Variants in PASD1 observed in about 807,000 individuals in gnomAD.
PASD1 encodes the protein circadian clock protein PASD1.
Under a neutral mutation model 58.8 loss-of-function variants are expected in PASD1, and 13 were observed. The observed-to-expected ratio is 0.22, with a 90% CI of 0.14 to 0.35. The LOEUF is 0.35. PASD1 is among the 10% of genes least tolerant of loss of function. PASD1 has a pLI of 1.00. For missense variants in PASD1, 734 were observed against 568.3 expected (o/e 1.29, Z -2.96); for synonymous variants, 236 against 216.7 (o/e 1.09, Z -0.78).
intron 9 of PASD1, among the ~76,000 whole-genome samples, chrX:151,655,414 T>C (rs372819796): frequency 1.8e-5 from 2 of 111,787 alleles, no homozygotes; most frequent in Non-Finnish European, 3.8e-5. Flanking sequence ...TTCTAGATCC[T>C]TGAGGAATTG....
At chrX:151,613,160 C>G (rs2124263409) in intron 4 of PASD1, among the ~76,000 whole-genome samples, 1 of 111,233 alleles carries the variant, frequency 9.0e-6, no homozygotes, top group East Asian at 2.8e-4. Flanking sequence ...GGGCTCTGTT[C>G]TGTTCCATTG....
At position 151,622,998 on chromosome X, in the gene PASD1, T is replaced by G. The variant is rs2013736480; in HGVS notation, c.480T>G (p.Cys160Trp). ...SSHLCADFAA[C>W]VPQEDRLYLV... ...ACCTCTGTGCTGACTTTGCTGCATG[T>G]GTTCCTCAGGAGGATCGGCTTTATC... Residue 160 changes from cysteine (C) to tryptophan (W), a missense_variant, in exon 7 of 16, where the codon TGT becomes TGG. Physicochemically the swap from Cys to Trp is radical, Grantham distance 215. Transcript: ENST00000370357. 8.3e-7 allele frequency: 1 copy of G among 1,207,593 alleles called. No individual in the cohort carries two copies. The highest frequency in any genetic ancestry group is 2.2e-5 in the Admixed American group (1 of 45,701).
Position 151,672,474 on chromosome X carries a change from A to G in PASD1, c.1729A>G (p.Ile577Val). ...LQEQPLKHNV[I>V]VGNERVQICL... ...AGAGCAGCCACTGAAGCATAATGTC[A>G]TCGTGGGGAATGAGAGGGTGCAGAT... Residue 577 changes from isoleucine (I) to valine (V), a missense_variant, in exon 14 of 16, where the codon ATC becomes GTC. Coordinates refer to ENST00000370357, the MANE Select transcript of PASD1 (RefSeq NM_173493.3). 3 of 1,211,777 alleles carry G rather than the reference A, an allele frequency of 2.5e-6. No individual in the cohort carries two copies. Among genetic ancestry groups the G allele is most frequent in the Non-Finnish European group, 3.4e-6 (3 of 895,523 alleles).
At chrX:151,580,475 C>T (rs1010382312) in intron 1 of PASD1, among the ~76,000 whole-genome samples, 19 of 105,208 alleles carry the variant, frequency 1.8e-4, no homozygotes, top group Non-Finnish European at 3.7e-4. Context: ...CCTTTTCCTT[C>T]GAACATGCTC....
At chrX:151,622,572 CTGTG>C (rs1418955316) in intron 6 of PASD1, among the ~76,000 whole-genome samples, 5 of 88,973 alleles carry the variant, frequency 5.6e-5, no homozygotes, top group Non-Finnish European at 1.1e-4. Context: ...TTACTTGACT[CTGTG>C]TGCACAGATT....
chrX:151,658,731 A>G (rs772422855), intron 9 of PASD1, among the ~76,000 whole-genome samples: 1 of 112,595 alleles, frequency 8.9e-6, no homozygotes, highest in Admixed American at 9.4e-5. Context: ...GTGATCCAAC[A>G]AACAGATTCT....
intron 10 of PASD1, 107 bp downstream of exon 10, chrX:151,659,943 T>A: frequency 2.7e-6 from 2 of 746,987 alleles, no homozygotes; most frequent in Non-Finnish European, 1.8e-6. Flanking sequence ...TACTGTGAAA[T>A]CCCAGAGTGA....
chrX:151,608,907 A>G (rs1016138177), intron 3 of PASD1, among the ~76,000 whole-genome samples: 1 of 111,277 alleles, frequency 9.0e-6, no homozygotes, highest in African/African-American at 3.3e-5. Flanking sequence ...AATGATATCC[A>G]CTTTTCACTC....
chrX:151,636,580 T>C (rs1320452522), intron 8 of PASD1, among the ~76,000 whole-genome samples: 1 of 110,707 alleles, frequency 9.0e-6, no homozygotes, highest in Non-Finnish European at 1.9e-5. Flanking sequence ...AATTTTGTAT[T>C]TTTAGTAGGG....
chrX:151,590,704 C>T (rs1241412028), intron 1 of PASD1, among the ~76,000 whole-genome samples: 1 of 111,451 alleles, frequency 9.0e-6, no homozygotes, highest in East Asian at 2.8e-4. Context: ...CCTCAGCCTC[C>T]ACAGTAGCTG....
At chrX:151,626,512 ATTGT>A (rs1464015141) in intron 8 of PASD1, among the ~76,000 whole-genome samples, 6 of 111,813 alleles carry the variant, frequency 5.4e-5, no homozygotes, top group Non-Finnish European at 1.1e-4. Context: ...TGATAAACTC[ATTGT>A]TTGGCACATT....
intron 8 of PASD1, among the ~76,000 whole-genome samples, chrX:151,639,889 C>T (rs906534488): frequency 8.9e-6 from 1 of 112,077 alleles, no homozygotes; most frequent in African/African-American, 3.2e-5. Flanking sequence ...ATTTTCAGAA[C>T]AAAAAGAGAA....
intron 1 of PASD1, among the ~76,000 whole-genome samples, chrX:151,590,716 G>A (rs1324740211): frequency 1.8e-5 from 2 of 111,108 alleles, no homozygotes; most frequent in East Asian, 5.6e-4. Flanking sequence ...CAGTAGCTGA[G>A]TCTACAGGTG....
At chrX:151,578,392 A>G (rs1169903478) in intron 1 of PASD1, 1 of 112,211 alleles carries the variant, frequency 8.9e-6, no homozygotes, top group Admixed American at 9.4e-5. Flanking sequence ...GCTCAGCTAT[A>G]TTGAATTCCC....
chrX:151,657,253 T>G (rs770372595), intron 9 of PASD1, among the ~76,000 whole-genome samples: 4 of 112,162 alleles, frequency 3.6e-5, no homozygotes, highest in African/African-American at 9.7e-5. Context: ...TGCTAGATTC[T>G]GTTTGCCAGT....
intron 1 of PASD1, among the ~76,000 whole-genome samples, chrX:151,593,137 T>A (rs751920692): frequency 9.0e-6 from 1 of 111,410 alleles, no homozygotes; most frequent in South Asian, 3.8e-4. Context: ...GTCTACTTTG[T>A]GTAATATTAA....
rs780798037 is a variant in PASD1, at chrX:151,671,660, G to A, written c.1318G>A (p.Gly440Arg). The change falls in exon 13 of 16, where the codon GGG becomes AGG. Residue 440 changes from glycine to arginine, a missense_variant. By Grantham distance (125) the Gly-to-Arg change is moderately radical. Coordinates refer to ENST00000370357, the MANE Select transcript of PASD1 (RefSeq NM_173493.3). ...CAAGAAACAACAGAAACAACACGCT[G>A]GGCAAGTGAAGCGGCCTCTCCCACA... is the stretch of plus-strand genomic sequence containing the variant. ...VPKKQQKQHA[G>R]QVKRPLPHPK... The A allele has an allele frequency of 1.1e-5, 13 of 1,211,003 alleles. No homozygotes were observed. The highest frequency in any genetic ancestry group is 1.5e-5 in the Non-Finnish European group (13 of 894,673).
rs1340852445 is a variant in PASD1 at position 151,671,779 on chromosome X, G to A, written c.1437G>A (p.Gln479=). 2.5e-6 allele frequency: 3 copies of A among 1,196,332 alleles called. No homozygotes were observed. The highest frequency in any genetic ancestry group is 2.3e-6 in the Non-Finnish European group (2 of 882,767). The change falls in exon 13 of 16, where the codon CAG becomes CAA. Residue 479 remains glutamine (Q), a splice_region_variant and synonymous_variant. Coordinates refer to ENST00000370357, the MANE Select transcript of PASD1 (RefSeq NM_173493.3). ...AGGAGCCTTGTGTTGCCTTCAACCA[G>A]GTATGGAAAGGCTGTTTTAACTGTG... ...ELQEPCVAFN[Q]QQLVQQEQHL...
chrX:151,649,912 G>A (rs1440441352), intron 9 of PASD1, among the ~76,000 whole-genome samples: 2 of 112,047 alleles, frequency 1.8e-5, no homozygotes, highest in African/African-American at 6.5e-5. Context: ...GATGCCATGA[G>A]CACATATTTT....
Sources: allele counts gnomAD v4.1 joint callset (sites outside exome capture counted in the v4.1 genomes callset), GRCh38; gene constraint gnomAD v4.1.1; transcripts MANE v1.5; gene names NCBI Gene and HGNC (gene_info 2026-07-23, HGNC 2026-07-21).